Variants in CNGA1 observed in about 807,000 individuals in gnomAD.
CNGA1 encodes the protein cyclic nucleotide gated channel subunit alpha 1, also known as cyclic nucleotide-gated channel alpha-1.
Under a neutral mutation model 69.7 loss-of-function variants are expected in CNGA1, and 53 were observed. The observed-to-expected ratio is 0.76, with a 90% CI of 0.61 to 0.96. CNGA1 has a LOEUF of 0.96. Ranked by LOEUF, CNGA1 falls within the 40% of genes least tolerant of loss-of-function variation. The pLI, the probability that CNGA1 is intolerant of heterozygous loss-of-function variation, is 0.00. For missense variants in CNGA1, 739 were observed against 811.2 expected (o/e 0.91, Z 1.08); for synonymous variants, 249 against 283.5 (o/e 0.88, Z 1.22).
intron 6 of CNGA1, among the ~76,000 whole-genome samples, chr4:47,946,836 G>A (rs1429274785): frequency 2.0e-5 from 3 of 152,104 alleles, no homozygotes; most frequent in Non-Finnish European, 4.4e-5. Flanking sequence ...CCAGGCAGGA[G>A]TGCGGTGGCA....
intron 6 of CNGA1, among the ~76,000 whole-genome samples, chr4:47,948,513 G>C (rs1166133406): frequency 6.6e-6 from 1 of 152,102 alleles, no homozygotes; most frequent in Non-Finnish European, 1.5e-5. Flanking sequence ...GGATCTAGAG[G>C]TCCTGGCTTC....
intron 2 of CNGA1, among the ~76,000 whole-genome samples, chr4:47,984,706 T>A (rs764307263): frequency 2.8e-5 from 4 of 143,758 alleles, no homozygotes; most frequent in Admixed American, 6.9e-5. Context: ...ATATATATAA[T>A]ATATATAATT....
chr4:47,962,579 A>T (rs961655070), intron 3 of CNGA1, among the ~76,000 whole-genome samples: 2 of 152,158 alleles, frequency 1.3e-5, no homozygotes, highest in African/African-American at 4.8e-5. Context: ...GTTCTTACAG[A>T]TAAGGAATCT....
chr4:47,960,064 C>T (rs966442217), intron 3 of CNGA1, among the ~76,000 whole-genome samples: 2 of 151,966 alleles, frequency 1.3e-5, no homozygotes, highest in Admixed American at 1.3e-4. Context: ...AAATTTTATG[C>T]AAATCAACCA....
intron 3 of CNGA1, among the ~76,000 whole-genome samples, chr4:47,961,229 G>C (rs1013846259): frequency 3.9e-5 from 6 of 152,142 alleles, no homozygotes; most frequent in Admixed American, 2.0e-4. Context: ...TCTCCTCCTT[G>C]AAGCTGTCTT....
chr4:47,978,515 GA>G (rs1741534269), intron 3 of CNGA1, among the ~76,000 whole-genome samples: 2 of 152,124 alleles, frequency 1.3e-5, no homozygotes, highest in South Asian at 4.2e-4. Context: ...TGGTCTAGAG[GA>G]AAACTACTTA....
chr4:47,949,995 T>C, intron 5 of CNGA1, 100 bp from the exon 6 acceptor site: 1 of 918,436 alleles, frequency 1.1e-6, no homozygotes. Context: ...TCTCCATTTC[T>C]ACTCATTACT....
chr4:47,967,281 C>T (rs979195591), intron 3 of CNGA1, among the ~76,000 whole-genome samples: 6 of 151,478 alleles, frequency 4.0e-5, no homozygotes, highest in South Asian at 2.1e-4. Context: ...CCTGCCTGGG[C>T]GACAGAACCA....
chr4:48,011,850 T>A (rs1715181262), intron 1 of CNGA1, among the ~76,000 whole-genome samples: 1 of 152,182 alleles, frequency 6.6e-6, no homozygotes, highest in Admixed American at 6.5e-5. Flanking sequence ...AATGTTCGGA[T>A]TAAGATAAAG....
At position 47,936,877 on chromosome 4, in the gene CNGA1, G is replaced by A. The variant is rs779609032; in HGVS notation, c.1605C>T (p.Ser535=). ...DDGVTQFVVL[S]DGSYFGEISI... ...TGATCTCACCGAAGTAGCTGCCATC[G>A]CTCAATACCACAAACTGAGTGACTC... Residue 535 remains serine (S), a synonymous_variant, in exon 11 of 11, where the codon AGC becomes AGT. Transcript: ENST00000514170. 17 of 1,613,960 alleles carry A rather than the reference G, an allele frequency of 1.1e-5. No homozygotes were observed. Among genetic ancestry groups the A allele is most frequent in the African/African-American group, 5.3e-5 (4 of 75,002 alleles).
At chr4:47,967,914 G>A (rs903368496) in intron 3 of CNGA1, among the ~76,000 whole-genome samples, 6 of 151,970 alleles carry the variant, frequency 3.9e-5, no homozygotes, top group African/African-American at 1.2e-4. Context: ...GGAGGTGGAG[G>A]TTGCAGTGAG....
intron 6 of CNGA1, among the ~76,000 whole-genome samples, 167 bp from the exon 7 acceptor site, chr4:47,943,579 G>T (rs374429703): frequency 6.9e-4 from 105 of 151,972 alleles, no homozygotes; most frequent in African/African-American, 2.4e-3. Flanking sequence ...GTGGGGGGTG[G>T]GGCAGACAAT....
At chr4:47,980,472 CTTTTT>C (rs5858098) in intron 3 of CNGA1, among the ~76,000 whole-genome samples, 115 of 112,364 alleles carry the variant, frequency 1.0e-3, no homozygotes, top group African/African-American at 3.4e-3. Context: ...TTCTTTCTTT[CTTTTT>C]TTTTTTTTTT....
chr4:47,965,026 C>T (rs1691017096), intron 3 of CNGA1, among the ~76,000 whole-genome samples: 1 of 152,042 alleles, frequency 6.6e-6, no homozygotes, highest in South Asian at 2.1e-4. Context: ...AATTATATTA[C>T]TTACACAAAA....
At chr4:47,956,067 G>A (rs891533661) in intron 3 of CNGA1, among the ~76,000 whole-genome samples, 2 of 152,218 alleles carry the variant, frequency 1.3e-5, no homozygotes, top group Admixed American at 6.5e-5. Context: ...AAAACTGAAA[G>A]AGCTAAAAAT....
At chr4:47,976,220 CATATATATAT>C (rs1230676045) in intron 3 of CNGA1, among the ~76,000 whole-genome samples, 2 of 53,466 alleles carry the variant, frequency 3.7e-5, no homozygotes, top group African/African-American at 3.4e-4. Context: ...TATACACATA[CATATATATAT>C]ACATATATAT....
In CNGA1 at chr4:47,952,223, C is replaced by A. The variant is rs146746601; in HGVS notation, c.107+360G>T. Among the ~76,000 whole-genome samples the A allele has an allele frequency of 8.4e-3, 1,266 of 151,552 alleles. 19 individuals are homozygous for A. Among genetic ancestry groups the A allele is most frequent in the African/African-American group, 0.029 (1,204 of 41,350 alleles). ...ACTAAAAATACAAAAAAAAAATTAGCCTGGTGTGGTGGTGCACACATGTAG... is the reference window on the plus strand; with the variant it reads ...ACTAAAAATACAAAAAAAAAATTAGACTGGTGTGGTGGTGCACACATGTAG... On this transcript the variant is annotated intron_variant, in intron 4 of 10. Transcript: ENST00000514170.
chr4:47,948,659 C>T (rs1435089070), intron 6 of CNGA1, among the ~76,000 whole-genome samples: 1 of 152,116 alleles, frequency 6.6e-6, no homozygotes. Flanking sequence ...AGTTATTGAC[C>T]GTGATCATCA....
chr4:47,942,469 TTA>T lies in CNGA1; in HGVS notation c.438-323_438-322del, dbSNP rs377382605. 2.3e-3 allele frequency among the ~76,000 whole-genome samples: 357 copies of T among 152,090 alleles called. 1 individual carries two copies. Among genetic ancestry groups the T allele is most frequent in the Middle Eastern group, 0.014 (4 of 294 alleles). On this transcript the variant is annotated intron_variant, in intron 8 of 10. Coordinates refer to ENST00000514170, the MANE Select transcript of CNGA1 (RefSeq NM_001379270.1). ...GCCACTCTTCTCATTAAGACCAGTC[TTA>T]TATTAAAGCATACATTAGGTTTTTA...
Sources: allele counts gnomAD v4.1 joint callset (sites outside exome capture counted in the v4.1 genomes callset), GRCh38; gene constraint gnomAD v4.1.1; transcripts MANE v1.5; gene names NCBI Gene and HGNC (gene_info 2026-07-23, HGNC 2026-07-21).